SLIT3: variants seen among roughly 807,000 people sequenced by gnomAD.
SLIT3 encodes the protein slit homolog 3 protein.
A neutral mutation model predicts 184.0 loss-of-function variants in SLIT3; 68 were observed. The ratio of observed to expected loss-of-function variants is 0.37; its 90% CI spans 0.30 to 0.45. The LOEUF is 0.45. SLIT3 is among the 20% of genes least tolerant of loss of function. The probability of loss-of-function intolerance (pLI) is 1.00; values close to 1 mark genes in which losing one functional copy is unlikely to be tolerated. For synonymous variants in SLIT3, 831 were observed against 828.6 expected, an observed-to-expected ratio of 1.00 and a Z score of -0.05; for missense variants, 1,707 against 2,026.0, an observed-to-expected ratio of 0.84 and a Z score of 3.02.
intron 16 of SLIT3, among the ~76,000 whole-genome samples, chr5:168,757,392 C>T (rs374278885): frequency 6.6e-6 from 1 of 152,198 alleles, no homozygotes; most frequent in Non-Finnish European, 1.5e-5. Flanking sequence ...CTCCCAGGCT[C>T]CTGAAAGTGT....
chr5:168,933,884 G>GGCT lies in SLIT3; in HGVS notation c.414-50551_414-50549dup, dbSNP rs142871176. Reference sequence around the variant, plus strand: ...TAAGAGGAGGAGCCTGGCTAGGAAGGGCTGAGTGGCCTGTGGAATACAGAG... The same window carrying GGCT: ...TAAGAGGAGGAGCCTGGCTAGGAAGGGCTGCTGAGTGGCCTGTGGAATACAGAG... On this transcript the variant is annotated intron_variant, in intron 4 of 35. Transcript: ENST00000519560. Among the ~76,000 whole-genome samples, 929 of 152,292 alleles carry GGCT rather than the reference G, an allele frequency of 6.1e-3. 6 individuals are homozygous for GGCT. The highest frequency in any genetic ancestry group is 0.021 in the African/African-American group (893 of 41,546).
chr5:169,090,804 G>A (rs960602378), intron 4 of SLIT3, among the ~76,000 whole-genome samples: 9 of 152,184 alleles, frequency 5.9e-5, no homozygotes, highest in African/African-American at 2.2e-4. Flanking sequence ...GGAGGAGACG[G>A]GGAACAAATT....
chr5:169,073,929 T>C (rs1758645653), intron 4 of SLIT3, among the ~76,000 whole-genome samples: 2 of 152,156 alleles, frequency 1.3e-5, no homozygotes, highest in African/African-American at 2.4e-5. Flanking sequence ...TACAGACAGA[T>C]GTGTGCTTTC....
At chr5:169,141,955 CAGG>C (rs1761757822) in intron 4 of SLIT3, among the ~76,000 whole-genome samples, 2 of 150,984 alleles carry the variant, frequency 1.3e-5, no homozygotes, top group Admixed American at 1.3e-4. Context: ...GAGGCTGAGG[CAGG>C]AGAATAGCGT....
In SLIT3 at chr5:168,673,234, G is replaced by A. The variant is rs1382553660; in HGVS notation, c.3784C>T (p.Leu1262=). 6.2e-7 allele frequency: 1 copy of A among 1,614,034 alleles called. No individual in the cohort carries two copies. Among genetic ancestry groups the A allele is most frequent in the Non-Finnish European group, 8.5e-7 (1 of 1,180,026 alleles). ...LVVDKGTPKS[L]GKLQKQPAVG... ...GCTGGCTGCTTCTGGAGCTTCCCCA[G>A]GCTCTTTGGAGTTCCTTTGTCCACT... is the stretch of plus-strand genomic sequence containing the variant. Residue 1262 remains leucine (L), a synonymous_variant, in exon 33 of 36, where the codon CTG becomes TTG. Coordinates refer to ENST00000519560, the MANE Select transcript of SLIT3 (RefSeq NM_003062.4).
chr5:169,089,035 AAAAAAAAAAAAAAAAAAAAAG>A (rs1759455679), intron 4 of SLIT3, among the ~76,000 whole-genome samples: 1 of 136,940 alleles, frequency 7.3e-6, no homozygotes, highest in African/African-American at 3.1e-5. Context: ...AAAAAAAAAA[AAAAAAAAAAAAAAAAAAAAAG>A]AAGTGCTGAC....
At chr5:168,730,131 A>T (rs1763251039) in intron 20 of SLIT3, among the ~76,000 whole-genome samples, 1 of 152,080 alleles carries the variant, frequency 6.6e-6, no homozygotes, top group Admixed American at 6.5e-5. Flanking sequence ...AAGACAAAAA[A>T]GGTCACTAGA....
intron 4 of SLIT3, among the ~76,000 whole-genome samples, chr5:168,979,057 C>A (rs1754863020): frequency 6.6e-6 from 1 of 152,176 alleles, no homozygotes; most frequent in Non-Finnish European, 1.5e-5. Context: ...ATTGTCCTTC[C>A]TTTGGTTTCA....
chr5:168,861,087 T>G (rs1581154848), intron 5 of SLIT3, among the ~76,000 whole-genome samples: 3 of 152,294 alleles, frequency 2.0e-5, no homozygotes, highest in African/African-American at 7.2e-5. Context: ...AAGGAGAAAT[T>G]TAGACCGTAT....
intron 5 of SLIT3, among the ~76,000 whole-genome samples, chr5:168,869,382 T>A (rs1759428587): frequency 6.6e-6 from 1 of 152,212 alleles, no homozygotes; most frequent in Non-Finnish European, 1.5e-5. Flanking sequence ...CGTTTTATCA[T>A]CTGTAAACTG....
chr5:169,079,819 A>AGGGAGGCGGAGGAG (rs1291928585), intron 4 of SLIT3, among the ~76,000 whole-genome samples: 1 of 16,342 alleles, frequency 6.1e-5, no homozygotes, highest in Non-Finnish European at 9.7e-5. Flanking sequence ...GGGGAAGAGG[A>AGGGAGGCGGAGGAG]GGAGGGAGGA....
chr5:168,951,286 T>C (rs1762644410), intron 4 of SLIT3, among the ~76,000 whole-genome samples: 1 of 152,164 alleles, frequency 6.6e-6, no homozygotes, highest in Non-Finnish European at 1.5e-5. Flanking sequence ...ATCTTATAGA[T>C]TCAGCATACA....
At chr5:169,186,708 C>T (rs73805008) in intron 4 of SLIT3, among the ~76,000 whole-genome samples, 10 of 152,110 alleles carry the variant, frequency 6.6e-5, no homozygotes, top group Admixed American at 6.5e-4. Context: ...AGCATGTATA[C>T]GCGACACCTG....
chr5:169,040,535 A>G (rs1014717596), intron 4 of SLIT3, among the ~76,000 whole-genome samples: 1 of 152,190 alleles, frequency 6.6e-6, no homozygotes, highest in Non-Finnish European at 1.5e-5. Flanking sequence ...GCCCTTGACA[A>G]CTTAATTTCC....
chr5:168,737,632 A>C (rs983653441), intron 20 of SLIT3, among the ~76,000 whole-genome samples: 1 of 152,180 alleles, frequency 6.6e-6, no homozygotes, highest in Non-Finnish European at 1.5e-5. Context: ...ATCCATGCTC[A>C]TTGTCCTTAG....
At chr5:168,861,904 T>C (rs534647912) in intron 5 of SLIT3, among the ~76,000 whole-genome samples, 1 of 152,310 alleles carries the variant, frequency 6.6e-6, no homozygotes, top group South Asian at 2.1e-4. Flanking sequence ...GGAACCTTGG[T>C]GTATTGGTGT....
At chr5:168,765,559 C>T (rs1755312635) in intron 14 of SLIT3, among the ~76,000 whole-genome samples, 1 of 152,196 alleles carries the variant, frequency 6.6e-6, no homozygotes, top group Non-Finnish European at 1.5e-5. Context: ...CGAAACTACT[C>T]AGGGTTTCTC....
chr5:169,138,114 C>T (rs1209496690), intron 4 of SLIT3, among the ~76,000 whole-genome samples: 1 of 152,210 alleles, frequency 6.6e-6, no homozygotes, highest in East Asian at 1.9e-4. Flanking sequence ...GCAATAGCAG[C>T]AGATGCTGTT....
At chr5:168,671,085 G>T in intron 34 of SLIT3, 113 bp downstream of exon 34, 2 of 1,186,288 alleles carry the variant, frequency 1.7e-6, no homozygotes, top group Non-Finnish European at 2.4e-6. Flanking sequence ...GATCCTATCT[G>T]CGGTCTGACT....
Sources: gnomAD v4.1 joint callset for allele counts (sites outside exome capture counted in the v4.1 genomes callset) on GRCh38, gnomAD v4.1.1 for gene constraint, MANE v1.5 for transcripts, NCBI Gene and HGNC (gene_info 2026-07-23, HGNC 2026-07-21) for gene names.